The following TECRL variants were observed in gnomAD, a reference collection of about 807,000 sequenced individuals.
The protein encoded by TECRL is trans-2,3-enoyl-CoA reductase like.
A neutral mutation model predicts 52.8 loss-of-function variants in TECRL; 63 were observed. The observed-to-expected ratio is 1.19, with a 90% CI of 0.97 to 1.47. TECRL has a LOEUF of 1.47. Among genes scored for constraint, TECRL ranks in the 40% most tolerant of loss-of-function variants. The probability of loss-of-function intolerance (pLI) is 0.00; values close to 1 mark genes in which losing one functional copy is unlikely to be tolerated. For missense variants in TECRL, 482 were observed against 429.6 expected, an observed-to-expected ratio of 1.12 and a Z score of -1.08; for synonymous variants, 164 against 141.9, an observed-to-expected ratio of 1.16 and a Z score of -1.10.
chr4:64,392,260 G>C (rs973325069), intron 1 of TECRL, among the ~76,000 whole-genome samples: 1 of 151,818 alleles, frequency 6.6e-6, no homozygotes, highest in African/African-American at 2.4e-5. Context: ...ACTTCAGGGA[G>C]GTAGGTGAAT....
chr4:64,305,885 T>C (rs539368118), intron 6 of TECRL, among the ~76,000 whole-genome samples: 1 of 152,298 alleles, frequency 6.6e-6, no homozygotes, highest in South Asian at 2.1e-4. Context: ...GACCCATTTC[T>C]TACAACCCTC....
chr4:64,391,110 A>T (rs1015995125), intron 1 of TECRL, among the ~76,000 whole-genome samples: 1 of 151,836 alleles, frequency 6.6e-6, no homozygotes, highest in Non-Finnish European at 1.5e-5. Flanking sequence ...TTTGTCCTCA[A>T]CGTATAAACA....
intron 6 of TECRL, among the ~76,000 whole-genome samples, chr4:64,306,200 G>T (rs1724326954): frequency 6.6e-6 from 1 of 152,134 alleles, no homozygotes; most frequent in South Asian, 2.1e-4. Context: ...CATGGCTGTT[G>T]CTCCTACAAG....
intron 4 of TECRL, among the ~76,000 whole-genome samples, chr4:64,316,363 A>G (rs1717495627): frequency 6.6e-6 from 1 of 152,152 alleles, no homozygotes; most frequent in Non-Finnish European, 1.5e-5. Flanking sequence ...AGAAGGCTTA[A>G]TATTTTATAA....
chr4:64,338,666 A>G (rs1279713981), intron 2 of TECRL, among the ~76,000 whole-genome samples: 2 of 152,382 alleles, frequency 1.3e-5, no homozygotes, highest in African/African-American at 2.4e-5. Context: ...TATGCATTCA[A>G]CAGACACATG....
chr4:64,397,701 C>G (rs1291019221), intron 1 of TECRL: 1 of 152,048 alleles, frequency 6.6e-6, no homozygotes, highest in East Asian at 1.9e-4. Context: ...AAGAAAAATA[C>G]AGAACACTTC....
chr4:64,341,898 C>T (rs1413434321), intron 2 of TECRL, among the ~76,000 whole-genome samples: 1 of 152,146 alleles, frequency 6.6e-6, no homozygotes, highest in East Asian at 1.9e-4. Context: ...CAGGAGCCAG[C>T]ATGTCTGACT....
chr4:64,367,036 A>C (rs1721645535), intron 2 of TECRL, among the ~76,000 whole-genome samples: 1 of 152,186 alleles, frequency 6.6e-6, no homozygotes, highest in African/African-American at 2.4e-5. Flanking sequence ...ATATAATGCC[A>C]TGGAGTACTA....
Position 64,409,104 on chromosome 4 carries a change from A to G in TECRL, c.234+14T>C. 6.4e-7 allele frequency: 1 copy of G among 1,566,160 alleles called. No homozygotes were observed. The highest frequency in any genetic ancestry group is 8.7e-7 in the Non-Finnish European group (1 of 1,154,862). ...CTTAAACAAACAAACAAATAAATAA[A>G]TAAATAAACTCACCTTATCCAGAAT... On this transcript the variant is annotated intron_variant, in intron 1 of 11. Coordinates refer to ENST00000381210, the MANE Select transcript of TECRL (RefSeq NM_001010874.5).
At chr4:64,298,946 C>T (rs1467089327) in intron 8 of TECRL, 1 of 151,132 alleles carries the variant, frequency 6.6e-6, no homozygotes, top group African/African-American at 2.4e-5. Context: ...ACGTGAATCA[C>T]AGAATTCCTC....
intron 1 of TECRL, among the ~76,000 whole-genome samples, chr4:64,393,268 A>G (rs140077485): frequency 4.4e-4 from 67 of 152,156 alleles, no homozygotes; most frequent in South Asian, 1.7e-3. Flanking sequence ...TGCATCACTT[A>G]GTTTTACATT....
intron 9 of TECRL, among the ~76,000 whole-genome samples, chr4:64,282,179 C>T (rs964832865): frequency 9.2e-5 from 14 of 152,002 alleles, no homozygotes; most frequent in Middle Eastern, 3.4e-3. Context: ...CATATTGTCA[C>T]TTTATTTTTG....
At position 64,280,182 on chromosome 4, in the gene TECRL, G is replaced by T. The variant is rs747887358; in HGVS notation, c.982C>A (p.Leu328Met). 6.5e-7 allele frequency: 1 copy of T among 1,533,442 alleles called. No homozygotes were observed. Among genetic ancestry groups the T allele is most frequent in the South Asian group, 1.3e-5 (1 of 75,262 alleles). 95.0% of individuals were successfully genotyped at this position (1,533,442 alleles called of 1,614,324 possible). ...QTLPVGIFTL[L>M]MSIQMSLWAQ... ...CACAAAGACATCTGGATACTCATCA[G>T]AAGTGTAAAAATTCCAACTAGAAGA... is the stretch of plus-strand genomic sequence containing the variant. Residue 328 changes from leucine (L) to methionine (M), a missense_variant, in exon 12 of 12, where the codon CTG becomes ATG. Coordinates refer to ENST00000381210, the MANE Select transcript of TECRL (RefSeq NM_001010874.5).
intron 1 of TECRL, among the ~76,000 whole-genome samples, 194 bp from the exon 2 acceptor site, chr4:64,375,417 AT>A (rs754410164): frequency 2.6e-5 from 4 of 151,994 alleles, no homozygotes; most frequent in Non-Finnish European, 5.9e-5. Context: ...TTTTAAAAAA[AT>A]TTGTTTGTAT....
chr4:64,372,578 A>C (rs1301297387), intron 2 of TECRL, among the ~76,000 whole-genome samples: 5 of 151,770 alleles, frequency 3.3e-5, no homozygotes, highest in African/African-American at 1.2e-4. Context: ...TAGAAAAGAC[A>C]TATTACAGTA....
In TECRL at chr4:64,320,120, TTTAA is replaced by T. The variant is rs141800602; in HGVS notation, c.435+2565_435+2568del. Reference sequence around the variant, plus strand: ...ACAAAAATGGTGAAAACTGCATAACTTTAATTAATTAACAGTCTTCATATAATGA... The same window carrying T: ...ACAAAAATGGTGAAAACTGCATAACTTTAATTAACAGTCTTCATATAATGA... On this transcript the variant is annotated intron_variant, in intron 4 of 11. Coordinates refer to ENST00000381210, the MANE Select transcript of TECRL (RefSeq NM_001010874.5). 5.6e-3 allele frequency among the ~76,000 whole-genome samples: 858 copies of T among 152,022 alleles called. 5 individuals are homozygous for T. Among genetic ancestry groups the T allele is most frequent in the African/African-American group, 0.019 (792 of 41,548 alleles).
In TECRL at chr4:64,385,596, G is replaced by A. The variant is rs1225988789; in HGVS notation, c.235-10373C>T. Among the ~76,000 whole-genome samples the A allele has an allele frequency of 5.3e-5, 8 of 152,224 alleles. No individual in the cohort carries two copies. In the South Asian group the frequency reaches 8.3e-4, roughly 16 times the overall value. ...GCCATAGCTTTCTAGGTGGATATGA[G>A]GGGATGTCAGTGGGGCTCTAGGAAT... On this transcript the variant is annotated intron_variant, in intron 1 of 11. Coordinates refer to ENST00000381210, the MANE Select transcript of TECRL (RefSeq NM_001010874.5).
At chr4:64,382,890 T>A (rs1384268775) in intron 1 of TECRL, among the ~76,000 whole-genome samples, 4 of 152,124 alleles carry the variant, frequency 2.6e-5, no homozygotes, top group Admixed American at 2.6e-4. Context: ...AGTTTTATAC[T>A]TTTTTGTATT....
intron 1 of TECRL, among the ~76,000 whole-genome samples, chr4:64,396,763 T>C (rs2086733): frequency 0.64 from 97,759 of 151,934 alleles, 32,650 homozygotes; most frequent in Non-Finnish European, 0.74. Flanking sequence ...CATAATTTTT[T>C]TTCCAGGGCT....
Sources: gnomAD v4.1 joint callset for allele counts (sites outside exome capture counted in the v4.1 genomes callset) on GRCh38, gnomAD v4.1.1 for gene constraint, MANE v1.5 for transcripts, NCBI Gene and HGNC (gene_info 2026-07-23, HGNC 2026-07-21) for gene names.